Variants in STPG2 observed in about 807,000 individuals in gnomAD.
STPG2 encodes sperm-tail PG-rich repeat-containing protein 2.
A neutral mutation model predicts 54.2 loss-of-function variants in STPG2; 56 were observed. The ratio of observed to expected loss-of-function variants is 1.03; its 90% CI spans 0.83 to 1.29. The LOEUF is 1.29. STPG2 is among the 50% of genes most tolerant of loss of function. STPG2 has a pLI of 0.00. For missense variants in STPG2, 596 were observed against 544.9 expected (o/e 1.09, Z -0.93); for synonymous variants, 200 against 181.8 (o/e 1.10, Z -0.81).
chr4:97,501,306 A>G (rs1730720191), intron 4 of STPG2, among the ~76,000 whole-genome samples: 2 of 152,122 alleles, frequency 1.3e-5, no homozygotes, highest in South Asian at 4.1e-4. Context: ...CAAGCTGCTC[A>G]TTTTAAAAAT....
intron 5 of STPG2, among the ~76,000 whole-genome samples, chr4:98,068,287 T>C (rs1347807905): frequency 6.6e-6 from 1 of 152,120 alleles, no homozygotes; most frequent in Non-Finnish European, 1.5e-5. Context: ...CTAGGTCAAA[T>C]TCCTTTATTT....
At chr4:97,984,057 C>T (rs1008372593) in intron 5 of STPG2, among the ~76,000 whole-genome samples, 11 of 68,606 alleles carry the variant, frequency 1.6e-4, no homozygotes, top group African/African-American at 5.8e-4. Flanking sequence ...AACTTTTTTG[C>T]TCAAACTTGT....
chr4:97,937,311 T>C (rs1200214743), intron 8 of STPG2, among the ~76,000 whole-genome samples: 1 of 152,098 alleles, frequency 6.6e-6, no homozygotes, highest in Non-Finnish European at 1.5e-5. Context: ...CTTCTTTGCA[T>C]TGGGTTAGAA....
rs140757565 is a variant in STPG2 at position 97,810,540 on chromosome 4, C to T, written c.1204+30233G>A. 9.7e-4 allele frequency among the ~76,000 whole-genome samples: 148 copies of T among 152,066 alleles called. 1 individual carries two copies. The highest frequency in any genetic ancestry group is 1.7e-3 in the Non-Finnish European group (115 of 67,984). On this transcript the variant is annotated intron_variant, in intron 9 of 10. Coordinates refer to ENST00000295268, the MANE Select transcript of STPG2 (RefSeq NM_174952.3). ...TTATCTGAATATGTACTTATCACTC[C>T]TCTAATATTTCCTAAAGCCTTCCCA...
At chr4:97,733,085 G>T (rs899737351) in intron 9 of STPG2, among the ~76,000 whole-genome samples, 9 of 151,910 alleles carry the variant, frequency 5.9e-5, no homozygotes, top group Non-Finnish European at 1.3e-4. Flanking sequence ...CCCACTACTG[G>T]GTATCTATCC....
At chr4:97,610,888 C>T (rs1226902487) in intron 10 of STPG2, among the ~76,000 whole-genome samples, 1 of 151,914 alleles carries the variant, frequency 6.6e-6, no homozygotes, top group African/African-American at 2.4e-5. Flanking sequence ...TAAAAATATT[C>T]TTATTGAGTA....
chr4:98,130,788 G>A (rs1026729600), intron 2 of STPG2, among the ~76,000 whole-genome samples: 1 of 151,732 alleles, frequency 6.6e-6, no homozygotes, highest in African/African-American at 2.4e-5. Context: ...CGGGCATGGT[G>A]GCGGGTGCCT....
At chr4:97,804,869 T>C (rs1276132933) in intron 9 of STPG2, among the ~76,000 whole-genome samples, 1 of 152,156 alleles carries the variant, frequency 6.6e-6, no homozygotes, top group Non-Finnish European at 1.5e-5. Context: ...CAGTTGCCTA[T>C]AGTATTCAGT....
intron 9 of STPG2, among the ~76,000 whole-genome samples, chr4:97,745,492 C>T (rs1400376267): frequency 6.6e-6 from 1 of 150,994 alleles, no homozygotes; most frequent in Non-Finnish European, 1.5e-5. Flanking sequence ...TATTCATTCA[C>T]AAGGACTTTA....
chr4:97,779,209 A>G (rs1443925866), intron 9 of STPG2, among the ~76,000 whole-genome samples: 1 of 152,354 alleles, frequency 6.6e-6, no homozygotes, highest in African/African-American at 2.4e-5. Context: ...ATGGCTAACT[A>G]GAATAACCAG....
chr4:97,983,867 A>G (rs151098808), intron 5 of STPG2, among the ~76,000 whole-genome samples: 34 of 152,318 alleles, frequency 2.2e-4, no homozygotes, highest in African/African-American at 7.7e-4. Context: ...ATGTGAACAT[A>G]TATACATTTA....
chr4:97,838,602 T>C (rs1223657972), intron 9 of STPG2, among the ~76,000 whole-genome samples: 1 of 151,476 alleles, frequency 6.6e-6, no homozygotes, highest in Non-Finnish European at 1.5e-5. Flanking sequence ...TTAAATCTTG[T>C]CCTTGATTAG....
At chr4:97,981,827 A>AAATGTTTATATATATATATATATAT in intron 5 of STPG2, among the ~76,000 whole-genome samples, 1 of 85,476 alleles carries the variant, frequency 1.2e-5, no homozygotes, top group East Asian at 2.6e-4. Context: ...TATATATATA[A>AAATGTTTATATATATATATATATAT]AATGTTTATA....
intron 9 of STPG2, among the ~76,000 whole-genome samples, chr4:97,749,727 G>C (rs1362495033): frequency 6.6e-6 from 1 of 151,734 alleles, no homozygotes; most frequent in Admixed American, 6.6e-5. Context: ...TATGGTGGTT[G>C]TAATTTTAGG....
intron 7 of STPG2, among the ~76,000 whole-genome samples, chr4:97,966,794 A>G (rs1042426761): frequency 6.6e-6 from 1 of 152,218 alleles, no homozygotes; most frequent in Non-Finnish European, 1.5e-5. Context: ...AAAAAGAAAT[A>G]AAATCCTTAA....
chr4:97,635,210 T>A (rs909551019), intron 10 of STPG2, among the ~76,000 whole-genome samples: 34 of 152,154 alleles, frequency 2.2e-4, no homozygotes, highest in Non-Finnish European at 4.7e-4. Context: ...AAAAGAATTT[T>A]CAACCCAGAA....
At chr4:97,782,800 G>C (rs1726691094) in intron 9 of STPG2, among the ~76,000 whole-genome samples, 1 of 152,048 alleles carries the variant, frequency 6.6e-6, no homozygotes, top group Non-Finnish European at 1.5e-5. Flanking sequence ...TCTGATCTTT[G>C]ACAAACCTGA....
chr4:97,600,685 A>G (rs1733434428), intron 10 of STPG2, among the ~76,000 whole-genome samples: 1 of 152,172 alleles, frequency 6.6e-6, no homozygotes, highest in South Asian at 2.1e-4. Flanking sequence ...ACACACACAT[A>G]CACACACAAA....
intron 3 of STPG2, among the ~76,000 whole-genome samples, chr4:98,117,597 T>G (rs902271616): frequency 6.6e-6 from 1 of 152,042 alleles, no homozygotes; most frequent in African/African-American, 2.4e-5. Flanking sequence ...TCTGAGGCTC[T>G]GAATACTCTT....
Sources: gnomAD v4.1 joint callset for allele counts (sites outside exome capture counted in the v4.1 genomes callset) on GRCh38, gnomAD v4.1.1 for gene constraint, MANE v1.5 for transcripts, NCBI Gene and HGNC (gene_info 2026-07-23, HGNC 2026-07-21) for gene names.